PTER: variants seen among roughly 807,000 people sequenced by gnomAD.
The protein encoded by PTER is phosphotriesterase related, also known as N-acetyltaurine hydrolase.
Under a neutral mutation model 29.6 loss-of-function variants are expected in PTER, and 38 were observed. That is an observed-to-expected ratio of 1.28 (90% CI 0.99 to 1.68). PTER has a LOEUF of 1.68. Among genes scored for constraint, PTER ranks in the 40% most tolerant of loss-of-function variants. The probability of loss-of-function intolerance (pLI) is 0.00; values close to 1 mark genes in which losing one functional copy is unlikely to be tolerated. For missense variants in PTER, 482 were observed against 427.8 expected, an observed-to-expected ratio of 1.13 and a Z score of -1.12; for synonymous variants, 172 against 154.5, an observed-to-expected ratio of 1.11 and a Z score of -0.84.
chr10:16,490,104 G>A (rs893019772), intron 3 of PTER, among the ~76,000 whole-genome samples: 13 of 152,132 alleles, frequency 8.5e-5, no homozygotes, highest in African/African-American at 3.1e-4. Flanking sequence ...GCTTAACGTA[G>A]TCTACCTTAA....
At chr10:16,445,286 C>A (rs1833978214) in intron 1 of PTER, among the ~76,000 whole-genome samples, 1 of 152,108 alleles carries the variant, frequency 6.6e-6, no homozygotes. Context: ...GTGGCTCCTG[C>A]CTGTAATCAC....
chr10:16,509,229 C>T (rs185597060), intron 4 of PTER, among the ~76,000 whole-genome samples: 44 of 152,192 alleles, frequency 2.9e-4, no homozygotes, highest in African/African-American at 9.2e-4. Flanking sequence ...GTAAGCAGGA[C>T]GGGGCAGGTT....
intron 4 of PTER, among the ~76,000 whole-genome samples, chr10:16,506,901 C>T (rs141700632): frequency 5.2e-4 from 79 of 152,116 alleles, no homozygotes; most frequent in African/African-American, 1.8e-3. Context: ...ATCATGATTG[C>T]ATGCCTGTGT....
chr10:16,458,816 G>GT (rs143984103), intron 1 of PTER, among the ~76,000 whole-genome samples: 1,781 of 152,228 alleles, frequency 0.012, 12 homozygotes, highest in Non-Finnish European at 0.019. Context: ...CACAAGAAGC[G>GT]TGAGTCCAAT....
intron 1 of PTER, among the ~76,000 whole-genome samples, chr10:16,448,390 G>C (rs7919804): frequency 0.43 from 65,242 of 152,072 alleles, 16,864 homozygotes; most frequent in African/African-American, 0.73. Flanking sequence ...CTTGATAAAT[G>C]GGTGGGAGTA....
At chr10:16,467,670 G>T (rs11816065) in intron 1 of PTER, among the ~76,000 whole-genome samples, 12 of 151,796 alleles carry the variant, frequency 7.9e-5, no homozygotes, top group Admixed American at 1.3e-4. Flanking sequence ...AAATTAGCCA[G>T]GTGTGGTAGT....
intron 1 of PTER, among the ~76,000 whole-genome samples, chr10:16,480,569 C>A (rs2000200): frequency 0.46 from 70,403 of 151,734 alleles, 16,477 homozygotes; most frequent in Middle Eastern, 0.68. Flanking sequence ...TAACAGAGTC[C>A]GGGGTGGGAG....
At chr10:16,461,499 G>T (rs1182640750) in intron 1 of PTER, among the ~76,000 whole-genome samples, 1 of 152,070 alleles carries the variant, frequency 6.6e-6, no homozygotes, top group Non-Finnish European at 1.5e-5. Flanking sequence ...GACACATGTA[G>T]TCATTACAGA....
intron 1 of PTER, among the ~76,000 whole-genome samples, chr10:16,474,812 A>G (rs966792742): frequency 5.3e-5 from 8 of 152,208 alleles, no homozygotes; most frequent in Non-Finnish European, 1.0e-4. Flanking sequence ...GCTTGAACCC[A>G]GGAAGCAGAG....
chr10:16,485,628 T>A (rs1447935699), intron 2 of PTER, among the ~76,000 whole-genome samples: 1 of 152,228 alleles, frequency 6.6e-6, no homozygotes, highest in African/African-American at 2.4e-5. Flanking sequence ...TTTATTTTTT[T>A]AATGTATTTT....
intron 4 of PTER, among the ~76,000 whole-genome samples, chr10:16,507,385 A>G (rs549992237): frequency 6.6e-6 from 1 of 152,204 alleles, no homozygotes; most frequent in South Asian, 2.1e-4. Context: ...CCCTATGATA[A>G]CAAGAACTAG....
At chr10:16,505,685 T>C (rs1383676976) in intron 4 of PTER, among the ~76,000 whole-genome samples, 1 of 152,214 alleles carries the variant, frequency 6.6e-6, no homozygotes, top group Non-Finnish European at 1.5e-5. Flanking sequence ...TGGCAGATAA[T>C]TGTAGGAGTC....
chr10:16,499,605 G>T (rs1438142964), intron 3 of PTER, among the ~76,000 whole-genome samples: 1 of 151,600 alleles, frequency 6.6e-6, no homozygotes, highest in Non-Finnish European at 1.5e-5. Flanking sequence ...CCCTCACCTG[G>T]CTGATTTTTT....
chr10:16,442,416 A>G (rs1833880628), intron 1 of PTER, among the ~76,000 whole-genome samples: 1 of 152,160 alleles, frequency 6.6e-6, no homozygotes, highest in Non-Finnish European at 1.5e-5. Context: ...TGAAATAAAG[A>G]TTTATTTGGT....
intron 1 of PTER, among the ~76,000 whole-genome samples, chr10:16,442,485 G>C (rs1833882135): frequency 6.6e-6 from 1 of 152,278 alleles, no homozygotes; most frequent in East Asian, 1.9e-4. Context: ...AAAAGTGTTA[G>C]GTTGGCCATG....
chr10:16,508,212 G>A (rs1836661761), intron 4 of PTER, among the ~76,000 whole-genome samples: 1 of 151,612 alleles, frequency 6.6e-6, no homozygotes, highest in Non-Finnish European at 1.5e-5. Context: ...GGGACTACAG[G>A]CACCCGCCAC....
At chr10:16,495,305 A>C (rs1836053712) in intron 3 of PTER, among the ~76,000 whole-genome samples, 1 of 151,668 alleles carries the variant, frequency 6.6e-6, no homozygotes, top group Non-Finnish European at 1.5e-5. Flanking sequence ...TAAGTAGCTG[A>C]GATTACAAGC....
At chr10:16,486,029 G>A (rs1835682600) in intron 2 of PTER, among the ~76,000 whole-genome samples, 1 of 152,034 alleles carries the variant, frequency 6.6e-6, no homozygotes, top group African/African-American at 2.4e-5. Flanking sequence ...CTGCTCCCCA[G>A]GTTAAGTTAC....
rs7904014 is a variant in PTER at position 16,505,059 on chromosome 10, A to G, written c.738A>G (p.Gln246=). 814,007 of 1,613,298 alleles carry G rather than the reference A, an allele frequency of 0.5. 212,523 individuals are homozygous for G. The highest frequency in any genetic ancestry group is 0.84 in the East Asian group (37,513 of 44,846). ...AGAAAGAGCTCTTGGAGTTTGCTCA[A>G]CTTGGCTGCTACTTGGAATATGATC... The part of the protein sequence containing the change: ...LDKKELLEFA[Q]LGCYLEYDLF... The change falls in exon 4 of 5, where the codon CAA becomes CAG. Residue 246 remains glutamine (Q), a synonymous_variant. Transcript: ENST00000535784.
Sources: allele counts gnomAD v4.1 joint callset (sites outside exome capture counted in the v4.1 genomes callset), GRCh38; gene constraint gnomAD v4.1.1; transcripts MANE v1.5; gene names NCBI Gene and HGNC (gene_info 2026-07-23, HGNC 2026-07-21).